CNTNAP2: variants seen among roughly 807,000 people sequenced by gnomAD.
The protein encoded by CNTNAP2 is contactin-associated protein-like 2.
Under a neutral mutation model 155.2 loss-of-function variants are expected in CNTNAP2, and 98 were observed. That is an observed-to-expected ratio of 0.63 (90% CI 0.54 to 0.75). The LOEUF is 0.75. Ranked by LOEUF, CNTNAP2 falls within the 30% of genes least tolerant of loss-of-function variation. The pLI, the probability that CNTNAP2 is intolerant of heterozygous loss-of-function variation, is 0.00. For synonymous variants in CNTNAP2, 651 were observed against 631.2 expected (o/e 1.03, Z -0.47); for missense variants, 1,727 against 1,688.1 (o/e 1.02, Z -0.40).
chr7:146,609,412 G>C (rs1005170277), intron 1 of CNTNAP2, among the ~76,000 whole-genome samples: 1 of 152,112 alleles, frequency 6.6e-6, no homozygotes, highest in Non-Finnish European at 1.5e-5. Context: ...CTGAAAACAG[G>C]ATTTCTCATG....
chr7:148,293,083 TAAA>T (rs1797218116), intron 21 of CNTNAP2, among the ~76,000 whole-genome samples: 4 of 150,234 alleles, frequency 2.7e-5, no homozygotes, highest in Admixed American at 1.3e-4. Context: ...ATAAATAAAA[TAAA>T]ATAAAATAAA....
intron 1 of CNTNAP2, among the ~76,000 whole-genome samples, chr7:146,338,887 T>TTAA (rs141799185): frequency 4.6e-5 from 7 of 151,710 alleles, no homozygotes; most frequent in African/African-American, 1.5e-4. Flanking sequence ...ATTTTTTTTT[T>TTAA]AAAAAAGGTT....
chr7:147,724,371 C>A lies in CNTNAP2; in HGVS notation c.2098+85065C>A, dbSNP rs565043508. ...AATGAAATGAGTGTTAAACTGTGAT[C>A]TGGTAAATTGAGGTAGATGGTGCAA... On this transcript the variant is annotated intron_variant, in intron 13 of 23. Transcript: ENST00000361727. Among the ~76,000 whole-genome samples, 17 of 152,136 alleles carry A rather than the reference C, an allele frequency of 1.1e-4. No homozygotes were observed. The South Asian group carries it at 3.5e-3, about 31-fold the overall frequency.
chr7:146,769,776 T>C (rs1434163273), intron 1 of CNTNAP2, among the ~76,000 whole-genome samples: 1 of 152,222 alleles, frequency 6.6e-6, no homozygotes, highest in Non-Finnish European at 1.5e-5. Context: ...GTGGGCCATA[T>C]GATATCCATT....
At chr7:146,478,883 T>C (rs1796918915) in intron 1 of CNTNAP2, among the ~76,000 whole-genome samples, 1 of 152,122 alleles carries the variant, frequency 6.6e-6, no homozygotes, top group Non-Finnish European at 1.5e-5. Context: ...TTATATAATA[T>C]GTAAATTAAA....
intron 15 of CNTNAP2, among the ~76,000 whole-genome samples, chr7:148,020,133 C>T (rs1802255187): frequency 1.3e-5 from 2 of 152,196 alleles, no homozygotes; most frequent in African/African-American, 4.8e-5. Context: ...AAGGATATTG[C>T]TTCACCTTTA....
chr7:147,707,892 G>T (rs376287824), intron 13 of CNTNAP2, among the ~76,000 whole-genome samples: 1 of 152,314 alleles, frequency 6.6e-6, no homozygotes, highest in South Asian at 2.1e-4. Flanking sequence ...CTGGGCAGGC[G>T]TGAACTCAGG....
intron 10 of CNTNAP2, among the ~76,000 whole-genome samples, chr7:147,459,223 G>C (rs746676092): frequency 9.9e-5 from 15 of 152,134 alleles, no homozygotes; most frequent in Non-Finnish European, 1.9e-4. Context: ...ATTTGCATTT[G>C]GTTAGTGGGA....
At chr7:148,275,153 A>C (rs1796850425) in intron 21 of CNTNAP2, among the ~76,000 whole-genome samples, 1 of 152,138 alleles carries the variant, frequency 6.6e-6, no homozygotes, top group Non-Finnish European at 1.5e-5. Context: ...TCTTGGGAGA[A>C]CCCAAAGCAA....
At chr7:146,969,413 T>A (rs1200995188) in intron 3 of CNTNAP2, among the ~76,000 whole-genome samples, 1 of 152,172 alleles carries the variant, frequency 6.6e-6, no homozygotes, top group Non-Finnish European at 1.5e-5. Context: ...CAGTGGGGTG[T>A]TAAAGTCTCC....
chr7:146,660,025 G>A (rs1014077833), intron 1 of CNTNAP2, among the ~76,000 whole-genome samples: 1 of 152,204 alleles, frequency 6.6e-6, no homozygotes. Context: ...CGGTTATGCT[G>A]TTAGTGACTA....
At chr7:147,506,217 C>T (rs73744132) in intron 11 of CNTNAP2, among the ~76,000 whole-genome samples, 1 of 151,826 alleles carries the variant, frequency 6.6e-6, no homozygotes, top group Non-Finnish European at 1.5e-5. Flanking sequence ...GCCAAAGGCT[C>T]GGGTCCTTCA....
chr7:147,167,390 C>G, intron 8 of CNTNAP2: 1 of 1,270,716 alleles, frequency 7.9e-7, no homozygotes, highest in Non-Finnish European at 1.1e-6. Context: ...CCAAACGTTA[C>G]TACAACTTTG....
At chr7:148,305,166 C>A (rs952602998) in intron 21 of CNTNAP2, among the ~76,000 whole-genome samples, 1 of 137,362 alleles carries the variant, frequency 7.3e-6, no homozygotes, top group African/African-American at 2.8e-5. Context: ...GAGACTGCAG[C>A]GAGCTATGAT....
At chr7:148,321,165 A>G (rs1293040125) in intron 21 of CNTNAP2, among the ~76,000 whole-genome samples, 2 of 152,186 alleles carry the variant, frequency 1.3e-5, no homozygotes, top group Non-Finnish European at 2.9e-5. Context: ...CAGGTTAAGG[A>G]ATTTAGACTT....
chr7:146,466,710 A>G (rs959397603), intron 1 of CNTNAP2, among the ~76,000 whole-genome samples: 3 of 152,346 alleles, frequency 2.0e-5, no homozygotes, highest in Admixed American at 6.5e-5. Flanking sequence ...GAAATTGCTC[A>G]TAATTGTTTG....
intron 3 of CNTNAP2, among the ~76,000 whole-genome samples, chr7:146,840,487 ATAAAT>A (rs1217858500): frequency 6.6e-6 from 1 of 152,194 alleles, no homozygotes; most frequent in East Asian, 1.9e-4. Flanking sequence ...AATAATTTGA[ATAAAT>A]TATTTAACAG....
intron 1 of CNTNAP2, among the ~76,000 whole-genome samples, chr7:146,298,013 T>C (rs192289035): frequency 6.6e-6 from 1 of 152,284 alleles, no homozygotes; most frequent in Admixed American, 6.5e-5. Flanking sequence ...CGTGAGATGC[T>C]GTGAGCATGA....
At chr7:147,939,881 T>G (rs1350990660) in intron 14 of CNTNAP2, 1 of 152,150 alleles carries the variant, frequency 6.6e-6, no homozygotes, top group African/African-American at 2.4e-5. Flanking sequence ...TTTCCCCACT[T>G]GGGTCTGAGA....
Sources: gnomAD v4.1 joint callset for allele counts (sites outside exome capture counted in the v4.1 genomes callset) on GRCh38, gnomAD v4.1.1 for gene constraint, MANE v1.5 for transcripts, NCBI Gene and HGNC (gene_info 2026-07-23, HGNC 2026-07-21) for gene names.